The following SHISA9 variants were observed in gnomAD, a reference collection of about 807,000 sequenced individuals.
SHISA9 encodes the protein protein shisa-9.
In SHISA9, 13 loss-of-function variants were observed where a neutral mutation model predicts 38.0. The ratio of observed to expected loss-of-function variants is 0.34; its 90% confidence interval spans 0.22 to 0.54. SHISA9 has a LOEUF of 0.54. Among genes scored for constraint, SHISA9 ranks in the 20% least tolerant of loss-of-function variants. The pLI is 0.91. For synonymous variants in SHISA9, 275 were observed against 242.0 expected (o/e 1.14, Z -1.27); for missense variants, 538 against 575.8 (o/e 0.93, Z 0.67).
rs541224127 is a variant in SHISA9 at position 13,016,980 on chromosome 16, C to T, written c.691+100165C>T. ...ACATGTATGCTGGGGTCTCTGATCTCGGGTACCTTTCTTCTTCTTCTTCTT... is the reference window on the plus strand; with the variant it reads ...ACATGTATGCTGGGGTCTCTGATCTTGGGTACCTTTCTTCTTCTTCTTCTT... On this transcript the variant is annotated intron_variant, in intron 2 of 4. Transcript: ENST00000558583. 1.6e-4 allele frequency among the ~76,000 whole-genome samples: 24 copies of T among 151,694 alleles called. No homozygotes were observed. The East Asian group carries it at 2.1e-3, about 14-fold the overall frequency.
chr16:13,111,836 G>A (rs988213929), intron 2 of SHISA9, among the ~76,000 whole-genome samples: 2 of 152,180 alleles, frequency 1.3e-5, no homozygotes, highest in Admixed American at 6.5e-5. Context: ...GACTATGATT[G>A]TTCCTGGATA....
intron 2 of SHISA9, among the ~76,000 whole-genome samples, chr16:13,007,557 A>G (rs958654074): frequency 6.6e-6 from 1 of 152,010 alleles, no homozygotes; most frequent in Non-Finnish European, 1.5e-5. Context: ...ATATTTTTTC[A>G]TTACTGAAAA....
the SHISA9 span, among the ~76,000 whole-genome samples, chr16:13,486,127 T>C: frequency 6.6e-6 from 1 of 152,232 alleles, no homozygotes; most frequent in African/African-American, 2.4e-5. Flanking sequence ...AGATGGTTCA[T>C]GGATGGGCAT....
At chr16:12,966,438 A>G (rs1052097914) in intron 2 of SHISA9, among the ~76,000 whole-genome samples, 8 of 152,066 alleles carry the variant, frequency 5.3e-5, no homozygotes, top group Non-Finnish European at 2.9e-5. Context: ...CTTTTTTTGT[A>G]GAGACAGGGT....
intron 2 of SHISA9, among the ~76,000 whole-genome samples, chr16:13,200,639 C>G (rs1204052476): frequency 2.2e-5 from 3 of 138,032 alleles, no homozygotes; most frequent in Non-Finnish European, 4.8e-5. Context: ...CATACCTTAT[C>G]AACACCTTTT....
the SHISA9 span, among the ~76,000 whole-genome samples, chr16:13,310,369 C>G: frequency 1.1e-4 from 17 of 152,146 alleles, no homozygotes; most frequent in East Asian, 3.3e-3. Context: ...AGTGAACATC[C>G]AGATATTTAT....
At chr16:13,430,155 C>T in the SHISA9 span, among the ~76,000 whole-genome samples, 2 of 152,148 alleles carry the variant, frequency 1.3e-5, no homozygotes, top group South Asian at 2.1e-4. Flanking sequence ...TGATCTCAGA[C>T]GTCTTGTCTC....
chr16:13,443,213 G>T, the SHISA9 span, among the ~76,000 whole-genome samples: 4 of 152,380 alleles, frequency 2.6e-5, no homozygotes, highest in African/African-American at 7.2e-5. Flanking sequence ...GTGTTGAAGA[G>T]ATTTTATTGA....
chr16:12,937,152 C>G, intron 2 of SHISA9, among the ~76,000 whole-genome samples: 1 of 152,000 alleles, frequency 6.6e-6, no homozygotes, highest in East Asian at 1.9e-4. Flanking sequence ...TTGGAATTTC[C>G]CAGAAGGATG....
chr16:13,336,459 C>CA, the SHISA9 span, among the ~76,000 whole-genome samples: 2 of 151,988 alleles, frequency 1.3e-5, no homozygotes, highest in Non-Finnish European at 2.9e-5. Context: ...TAGTCCCAGG[C>CA]AAAAAACCCT....
chr16:13,462,015 C>T, the SHISA9 span, among the ~76,000 whole-genome samples: 1 of 151,960 alleles, frequency 6.6e-6, no homozygotes, highest in Admixed American at 6.6e-5. Flanking sequence ...TTAATCTATT[C>T]ATGTAGCACT....
At chr16:13,408,777 C>T in the SHISA9 span, among the ~76,000 whole-genome samples, 1 of 152,178 alleles carries the variant, frequency 6.6e-6, no homozygotes, top group African/African-American at 2.4e-5. Flanking sequence ...ATACCACCCC[C>T]AGTCCTGCTG....
the SHISA9 span, among the ~76,000 whole-genome samples, chr16:13,363,292 C>T: frequency 6.6e-6 from 1 of 152,216 alleles, no homozygotes; most frequent in African/African-American, 2.4e-5. Context: ...ACTATAGTAT[C>T]TTTGAAGGAA....
intron 2 of SHISA9, among the ~76,000 whole-genome samples, chr16:12,948,687 C>T (rs917788979): frequency 4.6e-5 from 7 of 152,164 alleles, no homozygotes; most frequent in Non-Finnish European, 8.8e-5. Context: ...ATCCTGTTCA[C>T]AAGGGCTCTA....
At chr16:12,985,533 G>A (rs1386366859) in intron 2 of SHISA9, among the ~76,000 whole-genome samples, 1 of 152,094 alleles carries the variant, frequency 6.6e-6, no homozygotes, top group Non-Finnish European at 1.5e-5. Flanking sequence ...GTTACCATTG[G>A]GCACTGAAGG....
In SHISA9 at chr16:12,970,122, AAAT is replaced by A. The variant is rs142057866; in HGVS notation, c.691+53315_691+53317del. 0.011 allele frequency among the ~76,000 whole-genome samples: 1,587 copies of A among 150,646 alleles called. 48 individuals carry two copies. In the East Asian group the frequency reaches 0.13, roughly 13 times the overall value. On this transcript the variant is annotated intron_variant, in intron 2 of 4. Coordinates refer to ENST00000558583, the MANE Select transcript of SHISA9 (RefSeq NM_001145204.3). ...ATTTCCCTTTATGTATTTAAATATT[AAAT>A]AATAATAGTAAAAAGAATAATAGAT...
intron 2 of SHISA9, among the ~76,000 whole-genome samples, chr16:13,146,532 G>T (rs989796549): frequency 1.3e-5 from 2 of 152,052 alleles, no homozygotes; most frequent in Non-Finnish European, 1.5e-5. Context: ...CAACTCAATT[G>T]TACTCTTTTT....
intron 2 of SHISA9, among the ~76,000 whole-genome samples, chr16:13,195,456 A>G (rs1311662649): frequency 6.6e-6 from 1 of 152,266 alleles, no homozygotes; most frequent in African/African-American, 2.4e-5. Flanking sequence ...ATGAGGAAGA[A>G]GAGACAAATC....
the SHISA9 span, among the ~76,000 whole-genome samples, chr16:13,558,431 C>T: frequency 6.6e-6 from 1 of 152,206 alleles, no homozygotes; most frequent in African/African-American, 2.4e-5. Context: ...ATTAGCCAAT[C>T]CTGAGCCATG....
Sources: allele counts gnomAD v4.1 joint callset (sites outside exome capture counted in the v4.1 genomes callset), GRCh38; gene constraint gnomAD v4.1.1; transcripts MANE v1.5; gene names NCBI Gene and HGNC (gene_info 2026-07-23, HGNC 2026-07-21).